Variants in MYT1L observed in about 807,000 individuals in gnomAD.
The protein encoded by MYT1L is myelin transcription factor 1 like.
A neutral mutation model predicts 126.7 loss-of-function variants in MYT1L; 12 were observed. The observed-to-expected ratio is 0.09, with a 90% CI of 0.06 to 0.15. The LOEUF (loss-of-function observed/expected upper bound fraction) is 0.15, where lower values mean the gene tolerates loss of function less well. Ranked by LOEUF, MYT1L falls within the 10% of genes least tolerant of loss-of-function variation. The probability of loss-of-function intolerance (pLI) is 1.00; values close to 1 mark genes in which losing one functional copy is unlikely to be tolerated. For synonymous variants in MYT1L, 541 were observed against 604.2 expected, an observed-to-expected ratio of 0.90 and a Z score of 1.53; for missense variants, 979 against 1,585.2, an observed-to-expected ratio of 0.62 and a Z score of 6.49.
intron 2 of MYT1L, among the ~76,000 whole-genome samples, chr2:2,284,023 A>G (rs2095484096): frequency 6.6e-6 from 1 of 152,216 alleles, no homozygotes; most frequent in Non-Finnish European, 1.5e-5. Flanking sequence ...TAGGAGTGGG[A>G]GGAGTTTGAA....
chr2:1,850,217 T>G (rs1201788740), intron 19 of MYT1L, among the ~76,000 whole-genome samples: 1 of 101,106 alleles, frequency 9.9e-6, no homozygotes, highest in Non-Finnish European at 2.0e-5. Flanking sequence ...CCTTCCTTCC[T>G]TCCTTCCTTC....
intron 3 of MYT1L, among the ~76,000 whole-genome samples, chr2:2,063,093 C>G (rs913463618): frequency 1.3e-5 from 2 of 152,166 alleles, no homozygotes; most frequent in Non-Finnish European, 2.9e-5. Flanking sequence ...CTTCTCACCT[C>G]TCTTGTGAGA....
At chr2:2,168,145 C>T (rs532845821) in intron 3 of MYT1L, among the ~76,000 whole-genome samples, 27 of 152,100 alleles carry the variant, frequency 1.8e-4, no homozygotes, top group African/African-American at 2.4e-4. Flanking sequence ...CTATGAGGCA[C>T]ATGTAGATCT....
At chr2:2,103,425 T>C (rs2150501661) in intron 3 of MYT1L, among the ~76,000 whole-genome samples, 1 of 152,300 alleles carries the variant, frequency 6.6e-6, no homozygotes, top group Admixed American at 6.5e-5. Flanking sequence ...CTTCTCTAAA[T>C]ACAGAATCAG....
At chr2:2,165,482 C>A (rs11127377) in intron 3 of MYT1L, among the ~76,000 whole-genome samples, 25,746 of 152,134 alleles carry the variant, frequency 0.17, 2,201 homozygotes, top group African/African-American at 0.2. Context: ...TCTCTCACAT[C>A]ACCAATGCGT....
chr2:2,249,433 A>C (rs1006368052), intron 2 of MYT1L, among the ~76,000 whole-genome samples: 8 of 152,222 alleles, frequency 5.3e-5, no homozygotes, highest in African/African-American at 1.9e-4. Context: ...TATTGTTATA[A>C]TGTTGATGCT....
chr2:2,102,697 A>G, intron 3 of MYT1L, among the ~76,000 whole-genome samples: 1 of 151,486 alleles, frequency 6.6e-6, no homozygotes, highest in East Asian at 1.9e-4. Flanking sequence ...GATCTAATTA[A>G]CTTGATCCGT....
At chr2:2,292,501 T>C (rs548625039) in intron 1 of MYT1L, among the ~76,000 whole-genome samples, 1 of 152,296 alleles carries the variant, frequency 6.6e-6, no homozygotes, top group African/African-American at 2.4e-5. Flanking sequence ...CCCTCAGCAG[T>C]GACACGGTTT....
intron 14 of MYT1L, among the ~76,000 whole-genome samples, chr2:1,899,033 T>A (rs2049989946): frequency 6.6e-6 from 1 of 152,156 alleles, no homozygotes; most frequent in Non-Finnish European, 1.5e-5. Context: ...CTGGGAATAA[T>A]CAAAAGGAGA....
chr2:2,220,187 G>C (rs1173709545), intron 2 of MYT1L, among the ~76,000 whole-genome samples: 1 of 152,170 alleles, frequency 6.6e-6, no homozygotes, highest in Non-Finnish European at 1.5e-5. Flanking sequence ...GCCCTCAGAG[G>C]GTCCTGAGAA....
At chr2:2,170,347 C>G (rs377424541) in intron 3 of MYT1L, among the ~76,000 whole-genome samples, 2 of 152,204 alleles carry the variant, frequency 1.3e-5, no homozygotes, top group Non-Finnish European at 2.9e-5. Flanking sequence ...CTTAGGCCCA[C>G]GGGCCAAATC....
At chr2:2,244,313 A>T (rs909121774) in intron 2 of MYT1L, among the ~76,000 whole-genome samples, 3 of 152,222 alleles carry the variant, frequency 2.0e-5, no homozygotes, top group Non-Finnish European at 4.4e-5. Flanking sequence ...AAAATTAAAC[A>T]GTAAACTTTT....
intron 1 of MYT1L, among the ~76,000 whole-genome samples, chr2:2,295,837 AG>A (rs1272452706): frequency 1.3e-5 from 2 of 149,728 alleles, no homozygotes; most frequent in Non-Finnish European, 3.0e-5. Context: ...ACAGAGAGAG[AG>A]GGGACGGGAG....
intron 1 of MYT1L, among the ~76,000 whole-genome samples, chr2:2,308,606 C>T (rs1468199247): frequency 2.0e-5 from 3 of 151,854 alleles, no homozygotes; most frequent in Admixed American, 2.0e-4. Context: ...TACATTATAC[C>T]CATACTCCAC....
At chr2:2,196,509 C>G (rs1181720441) in intron 2 of MYT1L, among the ~76,000 whole-genome samples, 2 of 151,156 alleles carry the variant, frequency 1.3e-5, no homozygotes, top group Non-Finnish European at 3.0e-5. Context: ...ATAAAAATTA[C>G]ATTCAATATA....
At chr2:1,813,179 G>T (rs78683162) in intron 21 of MYT1L, among the ~76,000 whole-genome samples, 2,005 of 152,230 alleles carry the variant, frequency 0.013, 44 homozygotes, top group African/African-American at 0.045. Flanking sequence ...AGCTGCAGGT[G>T]GGGGGGAGAG....
At chr2:1,985,312 CG>C (rs1227228305) in intron 5 of MYT1L, among the ~76,000 whole-genome samples, 1 of 152,148 alleles carries the variant, frequency 6.6e-6, no homozygotes, top group Non-Finnish European at 1.5e-5. Flanking sequence ...AAGGAAGGCT[CG>C]GGGAAGGAAT....
chr2:1,813,076 T>G (rs1317417620), intron 21 of MYT1L, among the ~76,000 whole-genome samples: 1 of 152,074 alleles, frequency 6.6e-6, no homozygotes, highest in Non-Finnish European at 1.5e-5. Flanking sequence ...GCTCCCATCT[T>G]TCCCCCGCTG....
intron 2 of MYT1L, among the ~76,000 whole-genome samples, chr2:2,181,348 T>C (rs1288074585): frequency 6.6e-6 from 1 of 152,158 alleles, no homozygotes; most frequent in Non-Finnish European, 1.5e-5. Flanking sequence ...TCTACCTGGC[T>C]CTCTGTTGTC....
Sources: gnomAD v4.1 joint callset for allele counts (sites outside exome capture counted in the v4.1 genomes callset) on GRCh38, gnomAD v4.1.1 for gene constraint, MANE v1.5 for transcripts, NCBI Gene and HGNC (gene_info 2026-07-23, HGNC 2026-07-21) for gene names.